RABGAP1L: variants seen among roughly 807,000 people sequenced by gnomAD.
RABGAP1L encodes the protein rab GTPase-activating protein 1-like.
Under a neutral mutation model 137.7 loss-of-function variants are expected in RABGAP1L, and 63 were observed. The ratio of observed to expected loss-of-function variants is 0.46; its 90% CI spans 0.37 to 0.56. The LOEUF is 0.56. Among genes scored for constraint, RABGAP1L ranks in the 20% least tolerant of loss-of-function variants. The pLI is 0.00. For synonymous variants in RABGAP1L, 431 were observed against 433.7 expected (o/e 0.99, Z 0.08); for missense variants, 1,095 against 1,244.0 (o/e 0.88, Z 1.80).
intron 13 of RABGAP1L, among the ~76,000 whole-genome samples, chr1:174,485,160 G>A (rs957208039): frequency 6.6e-6 from 1 of 152,062 alleles, no homozygotes; most frequent in African/African-American, 2.4e-5. Flanking sequence ...ATTGTTTACT[G>A]TTATAAAAAT....
chr1:174,735,527 A>T lies in RABGAP1L; in HGVS notation c.2170-16786A>T, dbSNP rs548827151. On this transcript the variant is annotated intron_variant, in intron 17 of 25. Coordinates refer to ENST00000681986, the MANE Select transcript of RABGAP1L (RefSeq NM_001366446.1). The stretch of plus-strand genomic sequence containing the variant: ...TTTTGGAGCCCAAGGCAGGAGAATC[A>T]CTTGAACCTGGGAGGCAGAGGTTGC... 1.7e-4 allele frequency among the ~76,000 whole-genome samples: 25 copies of T among 147,748 alleles called. No homozygotes were observed. The East Asian group carries it at 4.1e-3, about 24-fold the overall frequency.
chr1:174,418,653 A>C (rs1476921321), intron 13 of RABGAP1L, among the ~76,000 whole-genome samples: 1 of 152,202 alleles, frequency 6.6e-6, no homozygotes, highest in Non-Finnish European at 1.5e-5. Flanking sequence ...GGGCACTCCA[A>C]GCAATTTTTA....
chr1:174,352,849 G>A (rs1683313309), intron 11 of RABGAP1L, among the ~76,000 whole-genome samples: 1 of 152,124 alleles, frequency 6.6e-6, no homozygotes, highest in Non-Finnish European at 1.5e-5. Context: ...GTACCTCTTT[G>A]GTGGTCTTCG....
At position 174,427,278 on chromosome 1, in the gene RABGAP1L, C is replaced by T. The variant is rs551883164; in HGVS notation, c.1710+33133C>T. Among the ~76,000 whole-genome samples the T allele has an allele frequency of 3.3e-5, 5 of 151,820 alleles. No homozygotes were observed. The East Asian group carries it at 9.7e-4, about 29-fold the overall frequency. ...AAATTACCCAAGATGATTGCTGATC[C>T]CAACTTCGATCTTCTAATTCAGTTT... On this transcript the variant is annotated intron_variant, in intron 13 of 25. Transcript: ENST00000681986.
At chr1:174,545,034 T>G (rs1665878827) in intron 13 of RABGAP1L, 1 of 152,858 alleles carries the variant, frequency 6.5e-6, no homozygotes, top group Admixed American at 6.5e-5. Flanking sequence ...TGTCTCCCAA[T>G]TAGACTACTC....
At chr1:174,384,177 A>G (rs1686521461) in intron 12 of RABGAP1L, among the ~76,000 whole-genome samples, 1 of 152,236 alleles carries the variant, frequency 6.6e-6, no homozygotes, top group South Asian at 2.1e-4. Context: ...AAGTCAAGTG[A>G]CTTAATACTA....
chr1:174,406,204 A>G (rs971034558), intron 13 of RABGAP1L, among the ~76,000 whole-genome samples: 1 of 152,120 alleles, frequency 6.6e-6, no homozygotes, highest in African/African-American at 2.4e-5. Context: ...AAAAACTGTA[A>G]TTATATGTGA....
intron 14 of RABGAP1L, among the ~76,000 whole-genome samples, chr1:174,674,715 G>A (rs947969534): frequency 3.3e-5 from 5 of 151,604 alleles, no homozygotes; most frequent in Admixed American, 3.3e-4. Context: ...CAGTGTAAAA[G>A]TGTTCCTATT....
chr1:174,624,461 C>G (rs1267998404), intron 13 of RABGAP1L, among the ~76,000 whole-genome samples: 4 of 151,944 alleles, frequency 2.6e-5, no homozygotes, highest in South Asian at 2.1e-4. Flanking sequence ...TTTTGAGCCC[C>G]CAGATCCTAT....
At chr1:174,375,438 A>G (rs1444829433) in intron 12 of RABGAP1L, among the ~76,000 whole-genome samples, 1 of 152,058 alleles carries the variant, frequency 6.6e-6, no homozygotes, top group Non-Finnish European at 1.5e-5. Flanking sequence ...ATAAAGATTA[A>G]TATGTTTGAT....
rs1482744937 is a variant in RABGAP1L at position 174,550,899 on chromosome 1, C to CAT, written c.1711-86475_1711-86474insTA. Among the ~76,000 whole-genome samples the CAT allele has an allele frequency of 3.2e-3, 166 of 51,844 alleles. 3 individuals are homozygous for CAT. Among genetic ancestry groups the CAT allele is most frequent in the Non-Finnish European group, 4.6e-3 (135 of 29,280 alleles). 34.0% of individuals were successfully genotyped at this position (51,844 alleles called of 152,430 possible). A position where few individuals can be genotyped will look rare whatever the true frequency, so the allele number is the denominator to read the frequency against. On this transcript the variant is annotated intron_variant, in intron 13 of 25. Transcript: ENST00000681986. ...ATATATATATATATATATATATACA[C>CAT]ACACACATATACACACACACACATA...
chr1:174,802,857 G>T (rs1688881735), intron 18 of RABGAP1L, among the ~76,000 whole-genome samples: 1 of 152,198 alleles, frequency 6.6e-6, no homozygotes, highest in South Asian at 2.1e-4. Context: ...ACTGGCTAAT[G>T]ATGTGGGATC....
chr1:174,757,153 A>G lies in RABGAP1L; in HGVS notation c.2211+4799A>G, dbSNP rs190064214. On this transcript the variant is annotated intron_variant, in intron 18 of 25. Transcript: ENST00000681986. ...GGTTTAATTGTCAGCTTCAGTTCCC[A>G]TAATGGTTCCTCCTGCCACCTGGCT... The G allele has an allele frequency of 1.2e-3, 458 of 388,550 alleles. 3 individuals are homozygous for G. Among genetic ancestry groups the G allele is most frequent in the African/African-American group, 8.2e-3 (391 of 47,566 alleles). 24.1% of individuals were successfully genotyped at this position (388,550 alleles called of 1,614,324 possible). A position where few individuals can be genotyped will look rare whatever the true frequency, so the allele number is the denominator to read the frequency against.
At chr1:174,190,152 A>C (rs112350697) in intron 1 of RABGAP1L, among the ~76,000 whole-genome samples, 13,603 of 151,912 alleles carry the variant, frequency 0.09, 821 homozygotes, top group East Asian at 0.22. Context: ...AAAATACAAA[A>C]ATTAGCTGGG....
chr1:174,282,363 T>C (rs771436557), intron 10 of RABGAP1L, among the ~76,000 whole-genome samples: 7 of 152,196 alleles, frequency 4.6e-5, no homozygotes, highest in Admixed American at 4.6e-4. Context: ...CATTGCAATG[T>C]CAATTTACAT....
chr1:174,473,760 G>A (rs1658197191), intron 13 of RABGAP1L, among the ~76,000 whole-genome samples: 1 of 152,168 alleles, frequency 6.6e-6, no homozygotes, highest in South Asian at 2.1e-4. Context: ...GAGCTGCTGA[G>A]CAGGTTGAGC....
At position 174,859,482 on chromosome 1, in the gene RABGAP1L, C is replaced by CAAAAAAAAAAAAAAAA. The variant is rs35464065; in HGVS notation, c.2340+47531_2340+47532insAAAAAAAAAAAAAAAA. On this transcript the variant is annotated intron_variant, in intron 19 of 25. Transcript: ENST00000681986. ...TGGGAGACAGAGCGAGACTCCATCTCAAAAAAAAAGAAAATGTGGTACATA... is the reference window on the plus strand; with the variant it reads ...TGGGAGACAGAGCGAGACTCCATCTCAAAAAAAAAAAAAAAAAAAAAAAAAGAAAATGTGGTACATA... 2.8e-4 allele frequency among the ~76,000 whole-genome samples: 38 copies of CAAAAAAAAAAAAAAAA among 133,570 alleles called. 1 individual carries two copies. The highest frequency in any genetic ancestry group is 1.3e-3 in the East Asian group (4 of 3,200). 87.6% of individuals were successfully genotyped at this position (133,570 alleles called of 152,430 possible).
intron 20 of RABGAP1L, among the ~76,000 whole-genome samples, chr1:174,964,005 A>G (rs1370291951): frequency 1.3e-5 from 2 of 152,186 alleles, no homozygotes; most frequent in African/African-American, 4.8e-5. Flanking sequence ...ATTTTCCACT[A>G]CAAAGATAAA....
chr1:174,671,316 T>G (rs1261930457), intron 14 of RABGAP1L, among the ~76,000 whole-genome samples: 1 of 152,150 alleles, frequency 6.6e-6, no homozygotes, highest in Non-Finnish European at 1.5e-5. Flanking sequence ...TTGGATGCCT[T>G]TTATTTCTTT....
Sources: gnomAD v4.1 joint callset for allele counts (sites outside exome capture counted in the v4.1 genomes callset) on GRCh38, gnomAD v4.1.1 for gene constraint, MANE v1.5 for transcripts, NCBI Gene and HGNC (gene_info 2026-07-23, HGNC 2026-07-21) for gene names.